GRM8: variants seen among roughly 807,000 people sequenced by gnomAD.
The protein encoded by GRM8 is glutamate metabotropic receptor 8.
In GRM8, 47 loss-of-function variants were observed where a neutral mutation model predicts 87.2. The ratio of observed to expected loss-of-function variants is 0.54; its 90% CI spans 0.43 to 0.69. The LOEUF (loss-of-function observed/expected upper bound fraction) is 0.69, where lower values mean the gene tolerates loss of function less well. Ranked by LOEUF, GRM8 falls within the 30% of genes least tolerant of loss-of-function variation. GRM8 has a pLI of 0.00. For synonymous variants in GRM8, 396 were observed against 404.5 expected, an observed-to-expected ratio of 0.98 and a Z score of 0.25; for missense variants, 1,019 against 1,139.2, an observed-to-expected ratio of 0.89 and a Z score of 1.52.
intron 8 of GRM8, among the ~76,000 whole-genome samples, chr7:126,539,101 C>G (rs1394115778): frequency 1.3e-5 from 2 of 151,316 alleles, no homozygotes; most frequent in Non-Finnish European, 3.0e-5. Flanking sequence ...TTGTGATGTT[C>G]CAGATCTATA....
intron 3 of GRM8, among the ~76,000 whole-genome samples, chr7:127,067,539 G>C (rs900233980): frequency 6.6e-6 from 1 of 152,098 alleles, no homozygotes; most frequent in African/African-American, 2.4e-5. Flanking sequence ...AAACTATCTG[G>C]AACAGTCTTT....
At chr7:127,016,964 TA>T (rs1563416336) in intron 3 of GRM8, among the ~76,000 whole-genome samples, 1 of 152,088 alleles carries the variant, frequency 6.6e-6, no homozygotes, top group East Asian at 1.9e-4. Context: ...CTATTTTCTA[TA>T]AAAGAAAAAT....
chr7:126,828,455 C>T (rs1240447670), intron 6 of GRM8, among the ~76,000 whole-genome samples: 9 of 152,040 alleles, frequency 5.9e-5, no homozygotes, highest in East Asian at 1.9e-4. Context: ...GTGTATCTGT[C>T]GAGGAATTTA....
intron 7 of GRM8, among the ~76,000 whole-genome samples, chr7:126,612,631 T>A (rs1799034730): frequency 6.6e-6 from 1 of 152,236 alleles, no homozygotes; most frequent in Non-Finnish European, 1.5e-5. Flanking sequence ...GAGCCTATTA[T>A]GTGCTCAACA....
chr7:126,459,608 G>C (rs1306259350), intron 9 of GRM8, among the ~76,000 whole-genome samples: 1 of 151,462 alleles, frequency 6.6e-6, no homozygotes, highest in Non-Finnish European at 1.5e-5. Flanking sequence ...ATAGTGTCTT[G>C]CTGCTATTTG....
chr7:126,886,008 G>A (rs374274457), intron 6 of GRM8, among the ~76,000 whole-genome samples: 1 of 152,066 alleles, frequency 6.6e-6, no homozygotes, highest in East Asian at 1.9e-4. Flanking sequence ...GGGTGATTAT[G>A]GTGGTGTAAT....
intron 6 of GRM8, among the ~76,000 whole-genome samples, chr7:126,902,066 AG>A (rs1342835247): frequency 3.3e-5 from 5 of 152,214 alleles, no homozygotes; most frequent in Non-Finnish European, 7.3e-5. Context: ...TGGAAAGTAA[AG>A]CATCTAAAAA....
chr7:127,049,558 A>C (rs1394586001), intron 3 of GRM8, among the ~76,000 whole-genome samples: 1 of 152,192 alleles, frequency 6.6e-6, no homozygotes, highest in Non-Finnish European at 1.5e-5. Flanking sequence ...CCTAGGCACA[A>C]TCTTAGGTCT....
chr7:126,704,529 G>A (rs1038609811), intron 7 of GRM8, among the ~76,000 whole-genome samples: 10 of 152,266 alleles, frequency 6.6e-5, no homozygotes, highest in East Asian at 5.8e-4. Context: ...CCAGTGAGCC[G>A]GGCGGAACAG....
At chr7:126,520,940 G>T (rs750949805) in intron 9 of GRM8, among the ~76,000 whole-genome samples, 8 of 152,074 alleles carry the variant, frequency 5.3e-5, no homozygotes, top group Non-Finnish European at 1.0e-4. Context: ...TCGATAAATT[G>T]CCATTTGATT....
At chr7:126,705,783 T>A (rs1810450367) in intron 7 of GRM8, among the ~76,000 whole-genome samples, 1 of 152,168 alleles carries the variant, frequency 6.6e-6, no homozygotes, top group South Asian at 2.1e-4. Flanking sequence ...ATCTAATCTT[T>A]AAGTTGAAAT....
intron 2 of GRM8, among the ~76,000 whole-genome samples, chr7:127,163,133 G>A (rs923832252): frequency 2.0e-5 from 3 of 152,086 alleles, no homozygotes; most frequent in African/African-American, 7.2e-5. Flanking sequence ...ATCTGAGACT[G>A]GGTAATTTAC....
intron 9 of GRM8, among the ~76,000 whole-genome samples, chr7:126,454,192 T>C (rs1802957516): frequency 6.6e-6 from 1 of 151,774 alleles, no homozygotes; most frequent in South Asian, 2.1e-4. Context: ...TTTTAAAGTA[T>C]CTCTATCTCT....
chr7:127,130,624 G>C (rs1369918534), intron 2 of GRM8, among the ~76,000 whole-genome samples: 1 of 152,168 alleles, frequency 6.6e-6, no homozygotes, highest in Admixed American at 6.6e-5. Flanking sequence ...TTTCTGGGAT[G>C]ATTGGTTTTG....
chr7:126,619,401 C>A (rs1338239484), intron 7 of GRM8, among the ~76,000 whole-genome samples: 2 of 151,960 alleles, frequency 1.3e-5, no homozygotes, highest in Non-Finnish European at 1.5e-5. Context: ...GGAGGGAAAG[C>A]ATTAAGAGAT....
chr7:126,555,823 C>T (rs1946113), intron 8 of GRM8, among the ~76,000 whole-genome samples: 126,811 of 152,210 alleles, frequency 0.83, 53,257 homozygotes, highest in East Asian at 0.94. Context: ...CAGATTGAAT[C>T]CCTCTTTGAA....
At chr7:127,135,582 C>T (rs1177815793) in intron 2 of GRM8, among the ~76,000 whole-genome samples, 3 of 23,424 alleles carry the variant, frequency 1.3e-4, no homozygotes, top group Non-Finnish European at 2.7e-4. Context: ...CGCGCCACTG[C>T]ACTCCAGCCT....
chr7:126,872,988 T>A (rs1799230697), intron 6 of GRM8, among the ~76,000 whole-genome samples: 1 of 152,146 alleles, frequency 6.6e-6, no homozygotes, highest in African/African-American at 2.4e-5. Flanking sequence ...TATTTTATAT[T>A]AATAAAAAGA....
chr7:126,903,593 C>CT (rs1188632112), intron 5 of GRM8, among the ~76,000 whole-genome samples: 3 of 145,366 alleles, frequency 2.1e-5, no homozygotes, highest in Non-Finnish European at 3.0e-5. Flanking sequence ...CACACACACA[C>CT]ACACACACTA....
Sources: gnomAD v4.1 joint callset for allele counts (sites outside exome capture counted in the v4.1 genomes callset) on GRCh38, gnomAD v4.1.1 for gene constraint, MANE v1.5 for transcripts, NCBI Gene and HGNC (gene_info 2026-07-23, HGNC 2026-07-21) for gene names.